LCT: variants seen among roughly 807,000 people sequenced by gnomAD.
LCT encodes the protein lactase, also known as lactase/phlorizin hydrolase.
A neutral mutation model predicts 173.0 loss-of-function variants in LCT; 90 were observed. That is an observed-to-expected ratio of 0.52 (90% CI 0.44 to 0.62). LCT has a LOEUF of 0.62. Ranked by LOEUF, LCT falls within the 20% of genes least tolerant of loss-of-function variation. The pLI is 0.00. For missense variants in LCT, 1,864 were observed against 2,431.4 expected, an observed-to-expected ratio of 0.77 and a Z score of 4.91; for synonymous variants, 853 against 957.6, an observed-to-expected ratio of 0.89 and a Z score of 2.02.
chr2:135,827,851 A>G (rs775484492), intron 3 of LCT, among the ~76,000 whole-genome samples: 1 of 152,142 alleles, frequency 6.6e-6, no homozygotes, highest in Non-Finnish European at 1.5e-5. Flanking sequence ...AAATTAGATC[A>G]TCTTATTATT....
At position 135,836,660 on chromosome 2, in the gene LCT, G is replaced by A. The variant is rs748908412; in HGVS notation, c.510C>T (p.Phe170=). ...TCACTTCCTCCAAGTCACTGAAGGT[G>A]AACCAGATCCCAACTAGGTCCCCGA... ...HSFGDLVGIW[F]TFSDLEEVIK... Residue 170 remains phenylalanine, a synonymous_variant, in exon 1 of 17, where the codon TTC becomes TTT. Transcript: ENST00000264162. The A allele has an allele frequency of 2.0e-5, 33 of 1,614,070 alleles. No homozygotes were observed. The highest frequency in any genetic ancestry group is 2.8e-5 in the Non-Finnish European group (33 of 1,180,044).
At chr2:135,814,289 T>G (rs2077760933) in intron 6 of LCT, among the ~76,000 whole-genome samples, 1 of 152,182 alleles carries the variant, frequency 6.6e-6, no homozygotes, top group Admixed American at 6.5e-5. Flanking sequence ...ACTGTGCTCC[T>G]TTCCCAAAAG....
intron 12 of LCT, among the ~76,000 whole-genome samples, chr2:135,799,052 ATGT>A (rs1297266502): frequency 2.0e-5 from 3 of 152,212 alleles, no homozygotes; most frequent in African/African-American, 4.8e-5. Context: ...AAAAAAGGAA[ATGT>A]TGTTCTAAAT....
At chr2:135,827,418 G>C (rs1050076458) in intron 3 of LCT, among the ~76,000 whole-genome samples, 15 of 152,160 alleles carry the variant, frequency 9.9e-5, no homozygotes, top group African/African-American at 2.4e-5. Flanking sequence ...GTGCCTCCCA[G>C]GTGTCTGGGA....
intron 6 of LCT, among the ~76,000 whole-genome samples, chr2:135,814,454 C>T (rs1392719623): frequency 3.9e-5 from 6 of 152,012 alleles, no homozygotes; most frequent in Non-Finnish European, 1.5e-5. Flanking sequence ...TCTGAGGTGC[C>T]CTGTGACAAC....
chr2:135,833,265 T>C (rs2105558002), intron 1 of LCT, 75 bp from the exon 2 acceptor site: 1 of 986,394 alleles, frequency 1.0e-6, no homozygotes, highest in Admixed American at 1.7e-5. Context: ...ACTGGGGGAT[T>C]CATTTCCTAT....
At chr2:135,829,916 C>T (rs901260806) in intron 2 of LCT, among the ~76,000 whole-genome samples, 3 of 151,490 alleles carry the variant, frequency 2.0e-5, no homozygotes, top group Non-Finnish European at 4.4e-5. Flanking sequence ...ATGTGCTCAT[C>T]CATGCGCCTC....
chr2:135,819,982 G>A (rs1218128062), intron 5 of LCT, among the ~76,000 whole-genome samples: 1 of 152,088 alleles, frequency 6.6e-6, no homozygotes, highest in Non-Finnish European at 1.5e-5. Context: ...AGCACATGAC[G>A]GCACCTCAGG....
At chr2:135,804,704 TC>T in intron 10 of LCT, 62 bp downstream of exon 10, 2 of 1,436,228 alleles carry the variant, frequency 1.4e-6, no homozygotes, top group Non-Finnish European at 2.0e-6. Flanking sequence ...ATAAATGTGC[TC>T]CCCCAGCCCT....
intron 6 of LCT, among the ~76,000 whole-genome samples, chr2:135,817,083 C>G (rs920133481): frequency 4.6e-5 from 7 of 152,048 alleles, no homozygotes; most frequent in Non-Finnish European, 1.0e-4. Context: ...GTTGCCCAGT[C>G]TGGTCTCGAA....
intron 15 of LCT, 83 bp from the exon 16 acceptor site, chr2:135,789,881 T>A: frequency 9.4e-7 from 1 of 1,062,322 alleles, no homozygotes; most frequent in Non-Finnish European, 1.5e-6. Flanking sequence ...CAGGTCTGCC[T>A]ACTGCTCTCC....
chr2:135,814,834 A>C (rs1287156161), intron 6 of LCT, among the ~76,000 whole-genome samples: 1 of 151,934 alleles, frequency 6.6e-6, no homozygotes. Flanking sequence ...TTTTTCTTTA[A>C]ATTTTTTCCT....
chr2:135,809,086 G>T lies in LCT; in HGVS notation c.3261C>A (p.Gly1087=). The change falls in exon 8 of 17, where the codon GGC becomes GGA. Residue 1087 remains glycine (G), a synonymous_variant. Coordinates refer to ENST00000264162, the MANE Select transcript of LCT (RefSeq NM_002299.4). This position sits in a 1 kb window ranked among gnomAD's most constrained non-coding sequence, Gnocchi z 5.5. ...GEFPPGVKDP[G]WAPYRIAHAV... ...CGTGGGCTATCCTATATGGTGCCCA[G>T]CCTGGGTCCTTCACCCCTGGGGGAA... 2 of 1,613,960 alleles carry T rather than the reference G, an allele frequency of 1.2e-6. No individual in the cohort carries two copies. The highest frequency in any genetic ancestry group is 2.2e-5 in the South Asian group (2 of 91,090).
intron 14 of LCT, among the ~76,000 whole-genome samples, chr2:135,792,812 G>A (rs1051712587): frequency 6.6e-6 from 1 of 152,166 alleles, no homozygotes; most frequent in African/African-American, 2.4e-5. Context: ...TACCTTTGCT[G>A]GTAGCTGAAG....
rs1031335645 is a variant in LCT, at chr2:135,790,175, AT to A, written c.5336-378del. On this transcript the variant is annotated intron_variant, in intron 15 of 16. Coordinates refer to ENST00000264162, the MANE Select transcript of LCT (RefSeq NM_002299.4). This position sits in a 1 kb window ranked among gnomAD's most constrained non-coding sequence, Gnocchi z 4.1. ...ATAGAATATATTTCAGCTGGGTAGG[AT>A]TTTTCTAATCATTTCCTTTGCTGGT... Among the ~76,000 whole-genome samples, 1 of 152,054 alleles carries A rather than the reference AT, an allele frequency of 6.6e-6. No homozygotes were observed. Among genetic ancestry groups the A allele is most frequent in the African/African-American group, 2.4e-5 (1 of 41,388 alleles).
At chr2:135,828,777 G>T (rs1414987572) in intron 3 of LCT, among the ~76,000 whole-genome samples, 1 of 152,170 alleles carries the variant, frequency 6.6e-6, no homozygotes, top group Non-Finnish European at 1.5e-5. Flanking sequence ...GAGAAAAGCA[G>T]TACTGGGTAC....
Position 135,804,783 on chromosome 2 carries a change from G to C in LCT, c.4448C>G (p.Ala1483Gly). The C allele has an allele frequency of 6.2e-7, 1 of 1,612,760 alleles. No individual in the cohort carries two copies. The highest frequency in any genetic ancestry group is 8.5e-7 in the Non-Finnish European group (1 of 1,180,034). ...CCACCATACCTGGGGCTGGATGCTGGCGGCCAGCAGTGTATCGATGAGCCT... is the reference window on the plus strand; with the variant it reads ...CCACCATACCTGGGGCTGGATGCTGCCGGCCAGCAGTGTATCGATGAGCCT... ...YVRLIDTLLA[A>G]SIQPQVTIYH... Residue 1483 changes from alanine to glycine, a missense_variant, in exon 10 of 17, where the codon GCC (alanine) becomes GGC (glycine). Physicochemically the swap from Ala to Gly is moderately conservative, Grantham distance 60. Around this residue, in one of 4 missense-constraint regions of LCT, gnomAD observed 514 missense variants for 750.1 expected, o/e 0.69. Coordinates refer to ENST00000264162, the MANE Select transcript of LCT (RefSeq NM_002299.4).
intron 7 of LCT, among the ~76,000 whole-genome samples, chr2:135,810,604 T>C (rs1395207834): frequency 6.6e-6 from 1 of 152,184 alleles, no homozygotes; most frequent in Non-Finnish European, 1.5e-5. Context: ...ATCAATCTTT[T>C]AACAATATGC....
chr2:135,796,929 G>A (rs78008110), intron 13 of LCT, among the ~76,000 whole-genome samples: 7,327 of 150,908 alleles, frequency 0.049, 244 homozygotes, highest in Middle Eastern at 0.2. Flanking sequence ...TGCATTGTGA[G>A]GTGGGAGCTG....
Sources: gnomAD v4.1 joint callset for allele counts (sites outside exome capture counted in the v4.1 genomes callset) on GRCh38, gnomAD v4.1.1 for gene constraint, gnomAD v4.1.1 regional missense constraint, Gnocchi (gnomAD v3.1) non-coding constraint, MANE v1.5 for transcripts, NCBI Gene and HGNC (gene_info 2026-07-23, HGNC 2026-07-21) for gene names.